TANGO6: variants seen among roughly 807,000 people sequenced by gnomAD.
TANGO6 encodes transport and golgi organization 6 homolog.
Under a neutral mutation model 114.2 loss-of-function variants are expected in TANGO6, and 90 were observed. The observed-to-expected ratio is 0.79, with a 90% CI of 0.66 to 0.94. The LOEUF is 0.94. TANGO6 is among the 40% of genes least tolerant of loss of function. The pLI, the probability that TANGO6 is intolerant of heterozygous loss-of-function variation, is 0.00. For synonymous variants in TANGO6, 477 were observed against 509.8 expected, an observed-to-expected ratio of 0.94 and a Z score of 0.87; for missense variants, 1,274 against 1,315.3, an observed-to-expected ratio of 0.97 and a Z score of 0.49.
chr16:69,085,124 A>C lies in TANGO6; in HGVS notation c.*1463A>C, dbSNP rs1960516716. 6.6e-6 allele frequency: 1 copy of C among 152,306 alleles called. No homozygotes were observed. The allele number at this position is 152,306 out of a possible 1,614,324, so 9.4% of individuals were successfully genotyped here. The stretch of plus-strand genomic sequence containing the variant: ...ATTGTGGCTTTCAAATCTAAGAAGA[A>C]TCTCCTTTGGGCCAGCTGGATGTAC... On this transcript the variant is annotated 3_prime_UTR_variant, in exon 18 of 18. Transcript: ENST00000261778.
chr16:69,013,596 G>A (rs994083967), intron 15 of TANGO6, among the ~76,000 whole-genome samples: 5 of 141,094 alleles, frequency 3.5e-5, no homozygotes, highest in Admixed American at 7.4e-5. Flanking sequence ...CAACCTGGGC[G>A]ACAGAACAAG....
chr16:68,922,477 G>A (rs543374186), intron 12 of TANGO6, among the ~76,000 whole-genome samples: 17 of 151,920 alleles, frequency 1.1e-4, no homozygotes, highest in Admixed American at 2.0e-4. Flanking sequence ...GGGAGGTTGC[G>A]GTGAGCGGAG....
intron 14 of TANGO6, among the ~76,000 whole-genome samples, chr16:68,936,331 G>A (rs1963298997): frequency 6.6e-6 from 1 of 152,104 alleles, no homozygotes; most frequent in Non-Finnish European, 1.5e-5. Flanking sequence ...GACATAGTCA[G>A]ATTATTTCTT....
intron 14 of TANGO6, chr16:68,948,070 G>C (rs1213243674): frequency 6.6e-6 from 1 of 151,870 alleles, no homozygotes; most frequent in Non-Finnish European, 1.5e-5. Context: ...TCCCAAGCCA[G>C]AGATTGCATT....
intron 12 of TANGO6, among the ~76,000 whole-genome samples, chr16:68,926,512 A>AT (rs897809125): frequency 7.9e-5 from 12 of 152,018 alleles, no homozygotes; most frequent in African/African-American, 2.9e-4. Flanking sequence ...AAAGAAAAAA[A>AT]TAAAAATAAA....
chr16:68,926,964 C>T (rs1439005879), intron 12 of TANGO6: 1 of 153,108 alleles, frequency 6.5e-6, no homozygotes, highest in Non-Finnish European at 1.5e-5. Flanking sequence ...ACTCATGCAC[C>T]TTTCTTAGTA....
chr16:68,871,628 T>G (rs1477427970), intron 4 of TANGO6, among the ~76,000 whole-genome samples: 3 of 152,134 alleles, frequency 2.0e-5, no homozygotes, highest in Admixed American at 1.3e-4. Context: ...TTAAAATTTT[T>G]TTTTCCCCAG....
At chr16:68,932,125 T>G (rs146065723) in intron 14 of TANGO6, among the ~76,000 whole-genome samples, 12,689 of 147,526 alleles carry the variant, frequency 0.086, 586 homozygotes, top group African/African-American at 0.13. Context: ...AGTTTCACTC[T>G]TGTTGCCCAG....
At chr16:68,906,066 G>A (rs1962846003) in intron 9 of TANGO6, among the ~76,000 whole-genome samples, 1 of 151,898 alleles carries the variant, frequency 6.6e-6, no homozygotes, top group Admixed American at 6.6e-5. Context: ...TGTAATCCCA[G>A]CTACTCAGGA....
At chr16:69,066,321 G>A (rs139453608) in intron 17 of TANGO6, among the ~76,000 whole-genome samples, 166 of 151,922 alleles carry the variant, frequency 1.1e-3, no homozygotes, top group African/African-American at 3.9e-3. Context: ...TTGAGATGGC[G>A]TCTCGCTCTG....
rs776620990 is a variant in TANGO6 at position 69,008,909 on chromosome 16, C to T, written c.2843-13919C>T. Among the ~76,000 whole-genome samples, 7 of 151,650 alleles carry T rather than the reference C, an allele frequency of 4.6e-5. No homozygotes were observed. The East Asian group carries it at 5.8e-4, about 13-fold the overall frequency. ...CTGCCCATCTCAGTCTCCCAAATGCCGGGATTACAGGTGTGAGCCACCGAG... is the reference window on the plus strand; with the variant it reads ...CTGCCCATCTCAGTCTCCCAAATGCTGGGATTACAGGTGTGAGCCACCGAG... On this transcript the variant is annotated intron_variant, in intron 15 of 17. Transcript: ENST00000261778.
chr16:68,846,042 T>C (rs1272737911), intron 1 of TANGO6, among the ~76,000 whole-genome samples: 7 of 151,902 alleles, frequency 4.6e-5, no homozygotes, highest in Admixed American at 4.6e-4. Context: ...TATTATTTTT[T>C]GAGATGGAAT....
chr16:68,917,208 G>A (rs562796308), intron 11 of TANGO6, among the ~76,000 whole-genome samples: 3 of 152,080 alleles, frequency 2.0e-5, no homozygotes, highest in South Asian at 4.2e-4. Context: ...ATATGCATTC[G>A]AGTTTCCTCC....
chr16:68,935,105 A>T (rs1963287531), intron 14 of TANGO6, among the ~76,000 whole-genome samples: 1 of 152,162 alleles, frequency 6.6e-6, no homozygotes, highest in Non-Finnish European at 1.5e-5. Flanking sequence ...AAAATAGCTG[A>T]ATTTTCCCAC....
chr16:68,885,356 T>C (rs1256642508), intron 7 of TANGO6, among the ~76,000 whole-genome samples: 1 of 152,340 alleles, frequency 6.6e-6, no homozygotes, highest in East Asian at 1.9e-4. Flanking sequence ...TTTTTTAGTA[T>C]GTTCATAGGG....
At chr16:68,981,545 A>G (rs761012042) in intron 15 of TANGO6, among the ~76,000 whole-genome samples, 26 of 152,092 alleles carry the variant, frequency 1.7e-4, no homozygotes, top group Non-Finnish European at 3.4e-4. Flanking sequence ...AAAATATAAC[A>G]TATTTTCTGT....
At chr16:68,907,200 G>T (rs1030263494) in intron 9 of TANGO6, among the ~76,000 whole-genome samples, 1 of 150,162 alleles carries the variant, frequency 6.7e-6, no homozygotes, top group African/African-American at 2.5e-5. Flanking sequence ...TCCCGCCTTG[G>T]CCTCCCGAAG....
At chr16:68,928,521 C>G (rs1033980416) in intron 13 of TANGO6, among the ~76,000 whole-genome samples, 9 of 151,862 alleles carry the variant, frequency 5.9e-5, no homozygotes, top group Non-Finnish European at 1.3e-4. Flanking sequence ...AGGATGGTCT[C>G]GATCTCCTGA....
In TANGO6 at chr16:69,060,623, A is replaced by AG. The variant is rs1468238485; in HGVS notation, c.3108+20203dup. ...AAAAAAAAAGAAAAAGAAAAAAAAA[A>AG]GAGGCATGGAACATTGCTCTTAAAT... On this transcript the variant is annotated intron_variant, in intron 17 of 17. Transcript: ENST00000261778. Among the ~76,000 whole-genome samples, 8 of 152,026 alleles carry AG rather than the reference A, an allele frequency of 5.3e-5. No homozygotes were observed. The East Asian group carries it at 1.5e-3, about 29-fold the overall frequency.
Sources: gnomAD v4.1 joint callset for allele counts (sites outside exome capture counted in the v4.1 genomes callset) on GRCh38, gnomAD v4.1.1 for gene constraint, MANE v1.5 for transcripts, NCBI Gene and HGNC (gene_info 2026-07-23, HGNC 2026-07-21) for gene names.